Variants in PEX13 observed in about 807,000 individuals in gnomAD.
The protein encoded by PEX13 is peroxisomal biogenesis factor 13, also known as peroxisome biogenesis factor 13.
A neutral mutation model predicts 34.5 loss-of-function variants in PEX13; 28 were observed. The observed-to-expected ratio is 0.81, with a 90% CI of 0.60 to 1.11. The LOEUF is 1.11. PEX13 is among the 50% of genes most tolerant of loss of function. PEX13 has a pLI of 0.00. For missense variants in PEX13, 550 were observed against 491.0 expected (o/e 1.12, Z -1.13); for synonymous variants, 177 against 175.1 (o/e 1.01, Z -0.09).
chr2:61,047,889 ATCTT>A (rs1232684102), intron 3 of PEX13, among the ~76,000 whole-genome samples: 7 of 152,244 alleles, frequency 4.6e-5, no homozygotes, highest in Non-Finnish European at 8.8e-5. Flanking sequence ...ACATTAAATA[ATCTT>A]TCTTTAAGCT....
chr2:61,031,495 C>A lies in PEX13; in HGVS notation c.169C>A (p.Pro57Thr), dbSNP rs1680449057. 1 of 1,614,072 alleles carries A rather than the reference C, an allele frequency of 6.2e-7. No homozygotes were observed. The highest frequency in any genetic ancestry group is 1.3e-5 in the African/African-American group (1 of 74,934). ...ALTRVPPPILPRPSQQTGSSS... is the reference protein window; with the variant it reads ...ALTRVPPPILTRPSQQTGSSS... Reference sequence around the variant, plus strand: ...TACCAGAGTGCCCCCACCTATTCTTCCAAGGCCATCACAGCAGACAGGAAG... The same window carrying A: ...TACCAGAGTGCCCCCACCTATTCTTACAAGGCCATCACAGCAGACAGGAAG... The change falls in exon 2 of 4, where the codon CCA becomes ACA. Residue 57 changes from proline (P) to threonine (T), a missense_variant. By Grantham distance (38) the Pro-to-Thr change is conservative. Coordinates refer to ENST00000295030, the MANE Select transcript of PEX13 (RefSeq NM_002618.4).
intron 1 of PEX13, among the ~76,000 whole-genome samples, chr2:61,030,359 C>T (rs1680430735): frequency 6.6e-6 from 1 of 152,160 alleles, no homozygotes; most frequent in East Asian, 1.9e-4. Flanking sequence ...TGAGGGACAA[C>T]TGAGAGACAA....
At chr2:61,045,607 A>G in intron 2 of PEX13, 119 bp from the exon 3 acceptor site, 2 of 758,764 alleles carry the variant, frequency 2.6e-6, no homozygotes, top group Non-Finnish European at 4.6e-6. Flanking sequence ...TATAGTTTTT[A>G]CTTGGGAGGG....
Position 61,017,728 on chromosome 2 carries a change from G to GT in PEX13, c.-31dup. 1 of 1,533,116 alleles carries GT rather than the reference G, an allele frequency of 6.5e-7. No individual in the cohort carries two copies. Among genetic ancestry groups the GT allele is most frequent in the African/African-American group, 1.4e-5 (1 of 72,838 alleles). The allele number at this position is 1,533,116 out of a possible 1,614,324, so 95.0% of individuals were successfully genotyped here. On this transcript the variant is annotated 5_prime_UTR_variant, in exon 1 of 4. Coordinates refer to ENST00000295030, the MANE Select transcript of PEX13 (RefSeq NM_002618.4). Reference sequence around the variant, plus strand: ...TCTACGCGGGCCTGGACAGTCAGGGGTAGGAGCGGGAGCCGAGAGGAGGCG... The same window carrying GT: ...TCTACGCGGGCCTGGACAGTCAGGGGTTAGGAGCGGGAGCCGAGAGGAGGCG...
Position 61,047,118 on chromosome 2 carries a change from A to G in PEX13, c.913+1267A>G, listed in dbSNP as rs570250296. Among the ~76,000 whole-genome samples, 78 of 152,042 alleles carry G rather than the reference A, an allele frequency of 5.1e-4. 1 individual carries two copies. Among genetic ancestry groups the G allele is most frequent in the African/African-American group, 1.8e-3 (75 of 41,482 alleles). On this transcript the variant is annotated intron_variant, in intron 3 of 3. Coordinates refer to ENST00000295030, the MANE Select transcript of PEX13 (RefSeq NM_002618.4). ...ACCTTGTCTCAAGAAAAAAAAAACAAACCTCTAGACTTTTAGGTATTCTAT... is the reference window on the plus strand; with the variant it reads ...ACCTTGTCTCAAGAAAAAAAAAACAGACCTCTAGACTTTTAGGTATTCTAT...
At chr2:61,027,653 G>A (rs578212362) in intron 1 of PEX13, among the ~76,000 whole-genome samples, 1 of 152,338 alleles carries the variant, frequency 6.6e-6, no homozygotes, top group East Asian at 1.9e-4. Flanking sequence ...CCTGATTACA[G>A]AACCAGAATT....
In PEX13 at chr2:61,049,153, A is replaced by T. The variant is rs149099359; in HGVS notation, c.*383A>T. 4.4e-3 allele frequency: 812 copies of T among 186,278 alleles called. 14 individuals carry two copies. Among genetic ancestry groups the T allele is most frequent in the Non-Finnish European group, 5.3e-3 (469 of 88,146 alleles). The allele number at this position is 186,278 out of a possible 1,614,324, so 11.5% of individuals were successfully genotyped here. A position where few individuals can be genotyped will look rare whatever the true frequency, so the allele number is the denominator to read the frequency against. Reference sequence around the variant, plus strand: ...GCATTAATTGACTTGGAATCCTTAGAAATGGAGTGGTGACATGTCAGTATG... The same window carrying T: ...GCATTAATTGACTTGGAATCCTTAGTAATGGAGTGGTGACATGTCAGTATG... On this transcript the variant is annotated 3_prime_UTR_variant, in exon 4 of 4. Transcript: ENST00000295030.
chr2:61,028,929 T>G (rs1680403995), intron 1 of PEX13, among the ~76,000 whole-genome samples: 1 of 150,932 alleles, frequency 6.6e-6, no homozygotes, highest in South Asian at 2.2e-4. Flanking sequence ...ATGCCTGTAA[T>G]CCCAGCACTT....
intron 3 of PEX13, among the ~76,000 whole-genome samples, chr2:61,048,103 C>G (rs955022057): frequency 1.3e-5 from 2 of 152,272 alleles, no homozygotes; most frequent in South Asian, 4.1e-4. Flanking sequence ...TTATTCCTAA[C>G]TTACCCAGTT....
intron 2 of PEX13, among the ~76,000 whole-genome samples, chr2:61,042,900 T>A (rs1260619293): frequency 6.6e-6 from 1 of 152,246 alleles, no homozygotes; most frequent in Non-Finnish European, 1.5e-5. Context: ...TTTGAATGTT[T>A]TTCCTTGGCT....
intron 1 of PEX13, 67 bp from the exon 2 acceptor site, chr2:61,031,352 T>G (rs1161897977): frequency 1.6e-5 from 19 of 1,171,902 alleles, no homozygotes; most frequent in Non-Finnish European, 2.4e-5. Flanking sequence ...AGGAGATGTT[T>G]AATACTTACT....
chr2:61,035,518 C>T (rs967407194), intron 2 of PEX13, among the ~76,000 whole-genome samples: 2 of 152,118 alleles, frequency 1.3e-5, no homozygotes, highest in Non-Finnish European at 1.5e-5. Flanking sequence ...TAATAACAAA[C>T]GTCTCGGAAC....
rs542210283 is a variant in PEX13 at position 61,034,422 on chromosome 2, A to G, written c.787+2309A>G. On this transcript the variant is annotated intron_variant, in intron 2 of 3. Transcript: ENST00000295030. ...AAGGCGGGTGATATCTGCATCTCCA[A>G]CTGAGGTACCTAGTTCATCTCACTG... 1.5e-4 allele frequency among the ~76,000 whole-genome samples: 23 copies of G among 152,214 alleles called. No homozygotes were observed. In the South Asian group the frequency reaches 4.8e-3, roughly 31 times the overall value.
intron 1 of PEX13, among the ~76,000 whole-genome samples, chr2:61,019,381 TCTC>T (rs772324356): frequency 2.0e-5 from 3 of 152,122 alleles, no homozygotes; most frequent in African/African-American, 4.8e-5. Flanking sequence ...CTGTGTGGCT[TCTC>T]CTCTTTATAT....
At position 61,031,659 on chromosome 2, in the gene PEX13, T is replaced by A; in HGVS notation, c.333T>A (p.Asp111Glu). The change falls in exon 2 of 4, where the codon GAT becomes GAA. Residue 111 changes from aspartate (D) to glutamate (E), a missense_variant. Physicochemically the swap from Asp to Glu is conservative, Grantham distance 45 (BLOSUM62 2). Coordinates refer to ENST00000295030, the MANE Select transcript of PEX13 (RefSeq NM_002618.4). ...NGLGYNRLRV[D>E]DLPPSRFVQQ... ...TGGGCTACAACCGCCTCCGTGTAGATGATCTTCCACCCAGTAGATTTGTTC... is the reference window on the plus strand; with the variant it reads ...TGGGCTACAACCGCCTCCGTGTAGAAGATCTTCCACCCAGTAGATTTGTTC... 1 of 1,614,192 alleles carries A rather than the reference T, an allele frequency of 6.2e-7. No homozygotes were observed.
At chr2:61,025,768 T>G (rs1162658743) in intron 1 of PEX13, among the ~76,000 whole-genome samples, 1 of 152,222 alleles carries the variant, frequency 6.6e-6, no homozygotes. Flanking sequence ...ACCAGAATGT[T>G]AGGCCACTAA....
intron 1 of PEX13, chr2:61,018,062 A>C (rs913285006): frequency 3.4e-5 from 51 of 1,496,610 alleles, no homozygotes; most frequent in Non-Finnish European, 4.3e-5. Flanking sequence ...TCTAATCAGC[A>C]ACGTTTTTTT....
chr2:61,025,988 G>T (rs1680347727), intron 1 of PEX13, among the ~76,000 whole-genome samples: 1 of 152,060 alleles, frequency 6.6e-6, no homozygotes, highest in African/African-American at 2.4e-5. Context: ...AGCCCAGGGA[G>T]TCTTAAAATC....
In PEX13 at chr2:61,050,154, T is replaced by TC. The variant is rs1001365391; in HGVS notation, c.*1385dup. 3 of 152,286 alleles carry TC rather than the reference T, an allele frequency of 2.0e-5. No homozygotes were observed. The highest frequency in any genetic ancestry group is 2.0e-4 in the Admixed American group (3 of 15,260). The allele number at this position is 152,286 out of a possible 1,614,324, so 9.4% of individuals were successfully genotyped here. A position where few individuals can be genotyped will look rare whatever the true frequency, so the allele number is the denominator to read the frequency against. On this transcript the variant is annotated 3_prime_UTR_variant, in exon 4 of 4. Coordinates refer to ENST00000295030, the MANE Select transcript of PEX13 (RefSeq NM_002618.4). Reference sequence around the variant, plus strand: ...ACTTTGGGAGGCCAAGGCGGGCGGATCACCTGCGGTCAGGAGTTTGAGACC... The same window carrying TC: ...ACTTTGGGAGGCCAAGGCGGGCGGATCCACCTGCGGTCAGGAGTTTGAGACC...
Sources: allele counts gnomAD v4.1 joint callset (sites outside exome capture counted in the v4.1 genomes callset), GRCh38; gene constraint gnomAD v4.1.1; transcripts MANE v1.5; gene names NCBI Gene and HGNC (gene_info 2026-07-23, HGNC 2026-07-21).